Variants in SOS2 observed in about 807,000 individuals in gnomAD.
SOS2 encodes the protein SOS Ras/Rho guanine nucleotide exchange factor 2.
SOS2 carries 65 observed loss-of-function variants against 148.2 expected under a neutral mutation model. The observed-to-expected ratio is 0.44, with a 90% CI of 0.36 to 0.54. The LOEUF (loss-of-function observed/expected upper bound fraction) is 0.54. Among genes scored for constraint, SOS2 ranks in the 20% least tolerant of loss-of-function variants. The pLI is 0.00. For synonymous variants in SOS2, 539 were observed against 537.1 expected (o/e 1.00, Z -0.05); for missense variants, 1,341 against 1,590.2 (o/e 0.84, Z 2.67).
chr14:50,221,498 A>G (rs910128925), intron 1 of SOS2, among the ~76,000 whole-genome samples: 9 of 152,186 alleles, frequency 5.9e-5, no homozygotes, highest in Admixed American at 1.3e-4. Flanking sequence ...TTATCTTGAA[A>G]TTCTCTATAG....
intron 18 of SOS2, among the ~76,000 whole-genome samples, chr14:50,135,610 T>C (rs1594962470): frequency 6.8e-6 from 1 of 147,618 alleles, no homozygotes; most frequent in Non-Finnish European, 1.5e-5. Context: ...TTCTGAAGTT[T>C]ATATTCAATT....
chr14:50,130,622 A>G lies in SOS2; in HGVS notation c.3216T>C (p.Ala1072=). 1.9e-6 allele frequency: 3 copies of G among 1,614,204 alleles called. No homozygotes were observed. Among genetic ancestry groups the G allele is most frequent in the Non-Finnish European group, 1.7e-6 (2 of 1,180,032 alleles). The change falls in exon 20 of 23, where the codon GCT becomes GCC. Residue 1072 remains alanine (A), a synonymous_variant. Coordinates refer to ENST00000216373, the MANE Select transcript of SOS2 (RefSeq NM_006939.4). ...ACACTGTTGATTCCAGCTCAGTTTC[A>G]GCAATCCGACTAAAGCTTATTTTAC... ...EPCKISFSRI[A]ETELESTVSA...
intron 8 of SOS2, among the ~76,000 whole-genome samples, chr14:50,162,700 T>C (rs1299875160): frequency 6.6e-6 from 1 of 152,174 alleles, no homozygotes; most frequent in African/African-American, 2.4e-5. Context: ...TTTTTTACAA[T>C]ATGAAATGTC....
At chr14:50,128,829 T>C (rs1223175913) in intron 21 of SOS2, among the ~76,000 whole-genome samples, 1 of 152,090 alleles carries the variant, frequency 6.6e-6, no homozygotes, top group African/African-American at 2.4e-5. Context: ...AGGCTAGTCT[T>C]GAACTGCTAT....
At chr14:50,195,486 G>C (rs1444119254) in intron 4 of SOS2, among the ~76,000 whole-genome samples, 1 of 152,172 alleles carries the variant, frequency 6.6e-6, no homozygotes, top group Non-Finnish European at 1.5e-5. Context: ...TTATGGCCTG[G>C]TGCAGTGGCC....
At chr14:50,175,520 G>C (rs1885496077) in intron 7 of SOS2, among the ~76,000 whole-genome samples, 1 of 149,828 alleles carries the variant, frequency 6.7e-6, no homozygotes. Flanking sequence ...ACAGCAAAAG[G>C]TAACAAGTAA....
At chr14:50,177,756 G>A (rs1290370279) in intron 7 of SOS2, among the ~76,000 whole-genome samples, 1 of 152,080 alleles carries the variant, frequency 6.6e-6, no homozygotes, top group Non-Finnish European at 1.5e-5. Flanking sequence ...AGAAGTGGAA[G>A]ATAATAAACA....
rs533440149 is a variant in SOS2, at chr14:50,231,072, T to C, written c.87+125A>G. ...GCAACAGGCAATTGTGAGCCCCCCA[T>C]TGCCAGCCAACGAGAAACGGCTCGG... On this transcript the variant is annotated intron_variant, in intron 1 of 22. Transcript: ENST00000216373. The C allele has an allele frequency of 2.2e-4, 127 of 584,602 alleles. 2 individuals are homozygous for C. The highest frequency in any genetic ancestry group is 3.1e-4 in the Non-Finnish European group (124 of 402,970). The allele number at this position is 584,602 out of a possible 1,614,324, so 36.2% of individuals were successfully genotyped here.
At chr14:50,135,720 T>C (rs1411754367) in intron 18 of SOS2, among the ~76,000 whole-genome samples, 1 of 129,886 alleles carries the variant, frequency 7.7e-6, no homozygotes, top group Non-Finnish European at 1.6e-5. Context: ...ATGAGCCACC[T>C]CACCCAGCCA....
intron 12 of SOS2, among the ~76,000 whole-genome samples, chr14:50,155,201 A>C (rs998501767): frequency 3.3e-5 from 5 of 152,126 alleles, no homozygotes; most frequent in Non-Finnish European, 5.9e-5. Flanking sequence ...TTTCATAATA[A>C]AATGTTAGAA....
rs78063184 is a variant in SOS2 at position 50,226,337 on chromosome 14, A to G, written c.87+4860T>C. Among the ~76,000 whole-genome samples the G allele has an allele frequency of 7.0e-3, 1,071 of 152,292 alleles. 14 individuals are homozygous for G. The highest frequency in any genetic ancestry group is 0.024 in the African/African-American group (1,007 of 41,550). ...GCTTAAAGTCTTCTTTGACTCTCATATATCAATGACACCAGTTATATTTTC... is the reference window on the plus strand; with the variant it reads ...GCTTAAAGTCTTCTTTGACTCTCATGTATCAATGACACCAGTTATATTTTC... On this transcript the variant is annotated intron_variant, in intron 1 of 22. Coordinates refer to ENST00000216373, the MANE Select transcript of SOS2 (RefSeq NM_006939.4).
intron 5 of SOS2, among the ~76,000 whole-genome samples, chr14:50,186,802 A>C (rs934138697): frequency 1.3e-5 from 2 of 152,236 alleles, no homozygotes; most frequent in African/African-American, 4.8e-5. Context: ...TTGTTAAACT[A>C]AACATATATC....
intron 13 of SOS2, among the ~76,000 whole-genome samples, chr14:50,152,261 T>G (rs1167538197): frequency 6.6e-6 from 1 of 152,218 alleles, no homozygotes; most frequent in East Asian, 1.9e-4. Context: ...ATGACACATT[T>G]GTTTAAATGT....
intron 3 of SOS2, 51 bp from the exon 4 acceptor site, chr14:50,199,906 TAC>T: frequency 8.5e-7 from 1 of 1,178,914 alleles, no homozygotes; most frequent in Middle Eastern, 2.7e-4. Flanking sequence ...TGTCAAGTAT[TAC>T]ACACTTAAAA....
upstream of SOS2, among the ~76,000 whole-genome samples, chr14:50,231,728 C>A (rs1325410418): frequency 6.6e-6 from 1 of 152,060 alleles, no homozygotes; most frequent in South Asian, 2.1e-4. Flanking sequence ...CTCCTCCCCG[C>A]CCTCCCAGCC....
chr14:50,204,204 A>G (rs548427360), intron 2 of SOS2, 80 bp downstream of exon 2: 42 of 818,548 alleles, frequency 5.1e-5, no homozygotes, highest in Admixed American at 1.5e-4. Flanking sequence ...AGTTTTCACA[A>G]TAAATTAGAA....
rs115187506 is a variant in SOS2 at position 50,120,097 on chromosome 14, T to C, written c.3489+178A>G. Among the ~76,000 whole-genome samples, 1,039 of 152,286 alleles carry C rather than the reference T, an allele frequency of 6.8e-3. 18 individuals carry two copies. Among genetic ancestry groups the C allele is most frequent in the African/African-American group, 0.024 (1,001 of 41,552 alleles). The stretch of plus-strand genomic sequence containing the variant: ...CCACTGCGCCCGGCCCAGCCTCTTA[T>C]TTAGAAAAGGTTTTTATAAGGATTA... On this transcript the variant is annotated intron_variant, in intron 22 of 22. Transcript: ENST00000216373.
intron 1 of SOS2, among the ~76,000 whole-genome samples, chr14:50,210,930 T>C (rs1886849493): frequency 6.6e-6 from 1 of 152,162 alleles, no homozygotes; most frequent in South Asian, 2.1e-4. Context: ...GATCACACAC[T>C]GCTACTGGAA....
chr14:50,193,302 A>G (rs1886211308), intron 4 of SOS2, among the ~76,000 whole-genome samples: 1 of 151,900 alleles, frequency 6.6e-6, no homozygotes, highest in Non-Finnish European at 1.5e-5. Flanking sequence ...TCAACCTCCA[A>G]AAGTGCTGGG....
Sources: gnomAD v4.1 joint callset for allele counts (sites outside exome capture counted in the v4.1 genomes callset) on GRCh38, gnomAD v4.1.1 for gene constraint, MANE v1.5 for transcripts, NCBI Gene and HGNC (gene_info 2026-07-23, HGNC 2026-07-21) for gene names.